The following MBD5 variants were observed in gnomAD, a reference collection of about 807,000 sequenced individuals.
MBD5 encodes methyl-CpG binding domain protein 5.
Under a neutral mutation model 117.3 loss-of-function variants are expected in MBD5, and 13 were observed. The ratio of observed to expected loss-of-function variants is 0.11; its 90% CI spans 0.07 to 0.18. The LOEUF (loss-of-function observed/expected upper bound fraction) is 0.18, where lower values mean the gene tolerates loss of function less well. Ranked by LOEUF, MBD5 falls within the 10% of genes least tolerant of loss-of-function variation. The probability of loss-of-function intolerance (pLI) is 1.00; values close to 1 mark genes in which losing one functional copy is unlikely to be tolerated. For synonymous variants in MBD5, 727 were observed against 766.4 expected (o/e 0.95, Z 0.85); for missense variants, 1,879 against 2,093.8 (o/e 0.90, Z 2.00).
intron 3 of MBD5, among the ~76,000 whole-genome samples, chr2:148,252,471 A>G (rs1700490390): frequency 6.7e-6 from 1 of 149,282 alleles, no homozygotes; most frequent in Admixed American, 6.6e-5. Flanking sequence ...AAAAGGAAAA[A>G]AAGAAACACT....
At chr2:148,075,732 A>G (rs529325590) in intron 1 of MBD5, among the ~76,000 whole-genome samples, 16 of 152,070 alleles carry the variant, frequency 1.1e-4, no homozygotes, top group Admixed American at 7.2e-4. Flanking sequence ...TTCTGAATCT[A>G]TAGGCGTCTC....
At chr2:148,377,988 G>C (rs2105411254) in intron 4 of MBD5, among the ~76,000 whole-genome samples, 1 of 152,222 alleles carries the variant, frequency 6.6e-6, no homozygotes, top group South Asian at 2.1e-4. Flanking sequence ...ACATGAAAAA[G>C]TGTTCCCCCT....
At chr2:148,358,657 G>A (rs962898435) in intron 4 of MBD5, among the ~76,000 whole-genome samples, 3 of 148,474 alleles carry the variant, frequency 2.0e-5, no homozygotes, top group Middle Eastern at 3.3e-3. Flanking sequence ...GGTGGTACAC[G>A]CATGTGGTCT....
intron 1 of MBD5, among the ~76,000 whole-genome samples, chr2:148,120,143 G>C (rs1449178276): frequency 6.6e-6 from 1 of 151,994 alleles, no homozygotes; most frequent in East Asian, 1.9e-4. Context: ...CAAACTCCTG[G>C]GCCCAGGCAA....
intron 4 of MBD5, among the ~76,000 whole-genome samples, chr2:148,445,278 C>T (rs1468941040): frequency 6.6e-6 from 1 of 150,828 alleles, no homozygotes; most frequent in Non-Finnish European, 1.5e-5. Context: ...TAATGCTATC[C>T]CTCCCCGCTC....
chr2:148,319,818 C>T (rs1702241470), intron 3 of MBD5, among the ~76,000 whole-genome samples: 1 of 152,128 alleles, frequency 6.6e-6, no homozygotes, highest in South Asian at 2.1e-4. Context: ...ATGTGGGCAT[C>T]CTTATCTTGT....
intron 4 of MBD5, among the ~76,000 whole-genome samples, chr2:148,394,038 A>G (rs1045063609): frequency 6.6e-6 from 1 of 152,150 alleles, no homozygotes; most frequent in Non-Finnish European, 1.5e-5. Flanking sequence ...TTACTGCTTT[A>G]TGTTACAAAT....
intron 4 of MBD5, among the ~76,000 whole-genome samples, chr2:148,368,215 C>T (rs1703758045): frequency 6.6e-6 from 1 of 152,090 alleles, no homozygotes; most frequent in East Asian, 1.9e-4. Flanking sequence ...TCTCAGCAAA[C>T]TAACACAGAA....
chr2:148,380,933 C>A (rs1164502845), intron 4 of MBD5, among the ~76,000 whole-genome samples: 1 of 152,058 alleles, frequency 6.6e-6, no homozygotes. Flanking sequence ...GGAAAACTAC[C>A]AAACAGAAAG....
At position 148,490,029 on chromosome 2, in the gene MBD5, A is replaced by G. The variant is rs1681472341; in HGVS notation, c.4397A>G (p.Asn1466Ser). The change falls in exon 11 of 14, where the codon AAT becomes AGT. Residue 1466 changes from asparagine (N) to serine (S), a missense_variant. Transcript: ENST00000642680. Reference protein sequence around the residue: ...HSSPCHERPNNVSTLPFLPGE... With the variant: ...HSSPCHERPNSVSTLPFLPGE... ...AGTCCTTGTCATGAAAGGCCCAACA[A>G]TGTCTCTACACTGCCATTTCTGCCT... is the stretch of plus-strand genomic sequence containing the variant. The G allele has an allele frequency of 1.9e-6, 3 of 1,613,962 alleles. No homozygotes were observed. Among genetic ancestry groups the G allele is most frequent in the Non-Finnish European group, 2.5e-6 (3 of 1,179,992 alleles).
intron 2 of MBD5, among the ~76,000 whole-genome samples, chr2:148,227,874 C>T (rs1378598615): frequency 6.6e-6 from 1 of 152,168 alleles, no homozygotes; most frequent in African/African-American, 2.4e-5. Context: ...CTCTTTGAAG[C>T]AATTATGAAT....
At chr2:148,485,708 C>T (rs1371444990) in intron 9 of MBD5, 34 bp from the exon 10 acceptor site, 2 of 1,488,774 alleles carry the variant, frequency 1.3e-6, no homozygotes, top group African/African-American at 1.4e-5. Flanking sequence ...CGAAGAATCA[C>T]ATTTATTTAT....
intron 2 of MBD5, among the ~76,000 whole-genome samples, chr2:148,179,224 A>G (rs781716159): frequency 1.3e-4 from 20 of 152,032 alleles, no homozygotes; most frequent in Admixed American, 2.6e-4. Flanking sequence ...GCGTGGTGGC[A>G]GGCGCGTGTA....
chr2:148,238,392 T>C (rs575028974), intron 3 of MBD5, among the ~76,000 whole-genome samples: 1 of 152,196 alleles, frequency 6.6e-6, no homozygotes, highest in South Asian at 2.1e-4. Flanking sequence ...AGTCAACCAC[T>C]ATTATTTAGA....
rs530141499 is a variant in MBD5 at position 148,297,961 on chromosome 2, A to G, written c.-679-44253A>G. On this transcript the variant is annotated intron_variant, in intron 3 of 13. Coordinates refer to ENST00000642680, the MANE Select transcript of MBD5 (RefSeq NM_001378120.1). Reference sequence around the variant, plus strand: ...TCCCCCTGGGCAAAATCTTGGAACTACTAGCCTGAAGCTAAGGTTAGGAAC... The same window carrying G: ...TCCCCCTGGGCAAAATCTTGGAACTGCTAGCCTGAAGCTAAGGTTAGGAAC... Among the ~76,000 whole-genome samples the G allele has an allele frequency of 4.6e-5, 7 of 152,322 alleles. No individual in the cohort carries two copies. The South Asian group carries it at 1.4e-3, about 32-fold the overall frequency.
At chr2:148,176,407 CTT>C (rs1195471654) in intron 1 of MBD5, among the ~76,000 whole-genome samples, 3 of 128,876 alleles carry the variant, frequency 2.3e-5, no homozygotes, top group Non-Finnish European at 4.9e-5. Context: ...AATTTTCTTG[CTT>C]TTTTTTTTTT....
intron 1 of MBD5, among the ~76,000 whole-genome samples, chr2:148,128,612 G>A (rs73964329): frequency 0.011 from 1,643 of 152,194 alleles, 35 homozygotes; most frequent in African/African-American, 0.037. Flanking sequence ...ATATATGCAT[G>A]TTTTTTGTAC....
chr2:148,285,695 C>G (rs926039864), intron 3 of MBD5, among the ~76,000 whole-genome samples: 1 of 152,064 alleles, frequency 6.6e-6, no homozygotes, highest in African/African-American at 2.4e-5. Context: ...CACATCACCA[C>G]TGTTAGTTGG....
At chr2:148,067,112 A>T (rs1695220456) in intron 1 of MBD5, among the ~76,000 whole-genome samples, 1 of 152,170 alleles carries the variant, frequency 6.6e-6, no homozygotes, top group Non-Finnish European at 1.5e-5. Flanking sequence ...ACACTAATTG[A>T]TGTTGATAAA....
Sources: allele counts gnomAD v4.1 joint callset (sites outside exome capture counted in the v4.1 genomes callset), GRCh38; gene constraint gnomAD v4.1.1; transcripts MANE v1.5; gene names NCBI Gene and HGNC (gene_info 2026-07-23, HGNC 2026-07-21).